Variants in NEK10 observed in about 807,000 individuals in gnomAD.
NEK10 encodes the protein serine/threonine-protein kinase Nek10.
A neutral mutation model predicts 159.8 loss-of-function variants in NEK10; 122 were observed. That is an observed-to-expected ratio of 0.76 (90% CI 0.66 to 0.89). NEK10 has a LOEUF of 0.89. Among genes scored for constraint, NEK10 ranks in the 40% least tolerant of loss-of-function variants. The pLI, the probability that NEK10 is intolerant of heterozygous loss-of-function variation, is 0.00. For synonymous variants in NEK10, 466 were observed against 457.1 expected (o/e 1.02, Z -0.25); for missense variants, 1,342 against 1,323.1 (o/e 1.01, Z -0.22).
At chr3:27,289,800 A>G (rs1445142200) in intron 19 of NEK10, among the ~76,000 whole-genome samples, 1 of 152,246 alleles carries the variant, frequency 6.6e-6, no homozygotes, top group South Asian at 2.1e-4. Context: ...ATATAAAATC[A>G]ACTATAAAAT....
At chr3:27,117,719 T>C (rs1379728906) in intron 33 of NEK10, among the ~76,000 whole-genome samples, 1 of 152,212 alleles carries the variant, frequency 6.6e-6, no homozygotes, top group African/African-American at 2.4e-5. Context: ...AGATTCTGGA[T>C]ATTACACCTT....
chr3:27,292,650 G>A (rs575341738), intron 16 of NEK10, among the ~76,000 whole-genome samples: 15 of 151,808 alleles, frequency 9.9e-5, no homozygotes, highest in Non-Finnish European at 1.9e-4. Context: ...CCTGGCCAAC[G>A]TGGTGAAAAC....
chr3:27,286,365 T>C (rs1023777106), intron 20 of NEK10, among the ~76,000 whole-genome samples: 5 of 151,222 alleles, frequency 3.3e-5, no homozygotes, highest in Non-Finnish European at 5.9e-5. Context: ...GGATTACAAG[T>C]GTGAGCCACC....
intron 32 of NEK10, among the ~76,000 whole-genome samples, chr3:27,124,160 G>A (rs1479328919): frequency 6.6e-6 from 1 of 152,096 alleles, no homozygotes; most frequent in Non-Finnish European, 1.5e-5. Context: ...AGGGGGGCCT[G>A]GAAAGCTGGA....
At chr3:27,322,124 T>G in intron 6 of NEK10, 53 bp downstream of exon 6, 2 of 965,866 alleles carry the variant, frequency 2.1e-6, no homozygotes, top group Non-Finnish European at 1.6e-6. Flanking sequence ...CCACCAGTCT[T>G]TTATTACAAC....
At chr3:27,310,860 CAT>C in intron 9 of NEK10, 87 bp downstream of exon 9, 3 of 758,924 alleles carry the variant, frequency 4.0e-6, no homozygotes, top group Non-Finnish European at 6.7e-6. Flanking sequence ...TCTAATTACA[CAT>C]GACTTAACCG....
At chr3:27,290,038 A>G (rs2149485606) in intron 19 of NEK10, among the ~76,000 whole-genome samples, 1 of 152,314 alleles carries the variant, frequency 6.6e-6, no homozygotes, top group South Asian at 2.1e-4. Flanking sequence ...AAAAGAAACC[A>G]ATGTGTTCTT....
At chr3:27,173,644 G>C (rs185817538) in intron 28 of NEK10, among the ~76,000 whole-genome samples, 1 of 152,102 alleles carries the variant, frequency 6.6e-6, no homozygotes, top group Admixed American at 6.5e-5. Flanking sequence ...TATTTTAAAT[G>C]TTCTTTTATG....
At chr3:27,180,664 A>ACAT (rs1947993870) in intron 26 of NEK10, among the ~76,000 whole-genome samples, 1 of 152,212 alleles carries the variant, frequency 6.6e-6, no homozygotes, top group Non-Finnish European at 1.5e-5. Context: ...TTACATAAGG[A>ACAT]AAGGTCTAGT....
intron 31 of NEK10, among the ~76,000 whole-genome samples, chr3:27,136,640 G>C (rs1424948293): frequency 6.6e-6 from 1 of 152,138 alleles, no homozygotes; most frequent in Non-Finnish European, 1.5e-5. Flanking sequence ...GTAAACCACT[G>C]ATTTCATACT....
chr3:27,305,337 C>A (rs1351437629), intron 11 of NEK10, among the ~76,000 whole-genome samples: 1 of 152,098 alleles, frequency 6.6e-6, no homozygotes, highest in Non-Finnish European at 1.5e-5. Flanking sequence ...AGGCTCGTTG[C>A]ATCATCGTTG....
chr3:27,249,337 T>C (rs1431933712), intron 23 of NEK10, among the ~76,000 whole-genome samples: 3 of 152,160 alleles, frequency 2.0e-5, no homozygotes, highest in Admixed American at 6.5e-5. Flanking sequence ...ACTAATACAA[T>C]TATATTTTTG....
chr3:27,193,600 ATTTTTTTTTTTT>A (rs141331589), intron 25 of NEK10, among the ~76,000 whole-genome samples: 2 of 55,080 alleles, frequency 3.6e-5, no homozygotes, highest in African/African-American at 8.2e-5. Context: ...CATATGCTTG[ATTTTTTTTTTTT>A]TTTTTTTTTT....
chr3:27,141,652 A>C (rs1194469391), intron 30 of NEK10, 70 bp from the exon 31 acceptor site: 2 of 1,184,684 alleles, frequency 1.7e-6, no homozygotes, highest in African/African-American at 3.0e-5. Context: ...AAATGAAGTA[A>C]AATTCTAACA....
chr3:27,162,112 A>G (rs1244033241), intron 30 of NEK10, among the ~76,000 whole-genome samples: 1 of 152,230 alleles, frequency 6.6e-6, no homozygotes, highest in Non-Finnish European at 1.5e-5. Context: ...TTCTACATGT[A>G]TCATGTAGGT....
At chr3:27,368,811 G>A (rs187505268) in intron 1 of NEK10, among the ~76,000 whole-genome samples, 4 of 152,270 alleles carry the variant, frequency 2.6e-5, no homozygotes. Flanking sequence ...AAGTAGGGCA[G>A]AAAAGCAGAG....
At chr3:27,246,565 C>G (rs1481401933) in intron 23 of NEK10, among the ~76,000 whole-genome samples, 2 of 152,074 alleles carry the variant, frequency 1.3e-5, no homozygotes, top group Non-Finnish European at 2.9e-5. Flanking sequence ...TAATTATACT[C>G]TTTCAGTTAT....
intron 31 of NEK10, among the ~76,000 whole-genome samples, chr3:27,140,878 C>A (rs1943724968): frequency 6.6e-6 from 1 of 152,084 alleles, no homozygotes; most frequent in South Asian, 2.1e-4. Flanking sequence ...ACTTTCATGT[C>A]CAAAGGTCTT....
At chr3:27,245,163 G>A (rs184869440) in intron 23 of NEK10, among the ~76,000 whole-genome samples, 199 of 152,266 alleles carry the variant, frequency 1.3e-3, no homozygotes, top group Non-Finnish European at 1.6e-4. Context: ...AAGGAGATGT[G>A]GGGCTAACGT....
Sources: gnomAD v4.1 joint callset for allele counts (sites outside exome capture counted in the v4.1 genomes callset) on GRCh38, gnomAD v4.1.1 for gene constraint, MANE v1.5 for transcripts, NCBI Gene and HGNC (gene_info 2026-07-23, HGNC 2026-07-21) for gene names.